Variants in RTN4RL1 observed in about 807,000 individuals in gnomAD.
The protein encoded by RTN4RL1 is reticulon-4 receptor-like 1.
A neutral mutation model predicts 25.6 loss-of-function variants in RTN4RL1; 7 were observed. The observed-to-expected ratio is 0.27, with a 90% CI of 0.16 to 0.51. The LOEUF (loss-of-function observed/expected upper bound fraction) is 0.51, where lower values mean the gene tolerates loss of function less well. Ranked by LOEUF, RTN4RL1 falls within the 20% of genes least tolerant of loss-of-function variation. RTN4RL1 has a pLI of 0.97. For synonymous variants in RTN4RL1, 297 were observed against 288.2 expected, an observed-to-expected ratio of 1.03 and a Z score of -0.31; for missense variants, 500 against 615.6, an observed-to-expected ratio of 0.81 and a Z score of 1.99.
chr17:1,979,134 G>A (rs191473530), intron 1 of RTN4RL1, among the ~76,000 whole-genome samples: 7 of 152,332 alleles, frequency 4.6e-5, no homozygotes, highest in African/African-American at 7.2e-5. Flanking sequence ...TTAGCTGAGC[G>A]TGGTGGCACG....
At chr17:1,978,139 G>A (rs1193356491) in intron 1 of RTN4RL1, among the ~76,000 whole-genome samples, 4 of 152,210 alleles carry the variant, frequency 2.6e-5, no homozygotes, top group Non-Finnish European at 5.9e-5. Flanking sequence ...TGGGGGTCAA[G>A]GTTGGGGCGG....
At chr17:1,986,376 C>G (rs755178813) in intron 1 of RTN4RL1, among the ~76,000 whole-genome samples, 4 of 152,048 alleles carry the variant, frequency 2.6e-5, no homozygotes, top group Non-Finnish European at 5.9e-5. Flanking sequence ...ATGGTGGCCC[C>G]CCAAAAGGAT....
Position 1,936,575 on chromosome 17 carries a change from ACC to A in RTN4RL1, c.1245_1246del (p.Val416AlafsTer64). The A allele has an allele frequency of 6.4e-7, 1 of 1,570,048 alleles. No individual in the cohort carries two copies. The highest frequency in any genetic ancestry group is 8.6e-7 in the Non-Finnish European group (1 of 1,158,216). On this transcript the variant is annotated frameshift_variant, in exon 2 of 2. Coordinates refer to ENST00000331238, the MANE Select transcript of RTN4RL1 (RefSeq NM_178568.4). LOFTEE classifies it high-confidence loss of function. ...GGAACTGGCCGAGGAGGCCTGCTGC[ACC>A]CCGCTGGGGGCACGGATGGGGGTCC... is the stretch of plus-strand genomic sequence containing the variant.
At chr17:2,014,178 G>A (rs114607508) in intron 1 of RTN4RL1, among the ~76,000 whole-genome samples, 1,752 of 152,296 alleles carry the variant, frequency 0.012, 30 homozygotes, top group African/African-American at 0.04. Flanking sequence ...GAAGTGGGAG[G>A]GTGTGGAAGC....
Position 1,937,407 on chromosome 17 carries a change from C to T in RTN4RL1, c.415G>A (p.Ala139Thr), listed in dbSNP as rs756440405. 56 of 1,613,566 alleles carry T rather than the reference C, an allele frequency of 3.5e-5. No individual in the cohort carries two copies. Among genetic ancestry groups the T allele is most frequent in the Non-Finnish European group, 4.1e-5 (48 of 1,179,876 alleles). The part of the protein sequence containing the change: ...ALYLYKCGLS[A>T]LPAGVFGGLH... ...CCGCCAAAGACGCCGGCCGGCAAGG[C>T]GCTGAGCCCACACTTGTAGAGGTAG... is the stretch of plus-strand genomic sequence containing the variant. Residue 139 changes from alanine to threonine, a missense_variant, in exon 2 of 2, where the codon GCC (alanine) becomes ACC (threonine). Ala to Thr is a moderately conservative substitution (Grantham distance 58). Coordinates refer to ENST00000331238, the MANE Select transcript of RTN4RL1 (RefSeq NM_178568.4).
intron 1 of RTN4RL1, among the ~76,000 whole-genome samples, chr17:2,004,225 G>A (rs1299644237): frequency 9.9e-5 from 15 of 151,458 alleles, no homozygotes; most frequent in African/African-American, 2.4e-4. Flanking sequence ...AAAATTAGCC[G>A]GGTGTGGTGG....
At position 2,001,050 on chromosome 17, in the gene RTN4RL1, T is replaced by G. The variant is rs896871445; in HGVS notation, c.13+23803A>C. 3.0e-5 allele frequency among the ~76,000 whole-genome samples: 3 copies of G among 100,276 alleles called. No individual in the cohort carries two copies. In the East Asian group the frequency reaches 7.6e-4, roughly 25 times the overall value. The allele number at this position is 100,276 out of a possible 152,430, so 65.8% of individuals were successfully genotyped here. A position where few individuals can be genotyped will look rare whatever the true frequency, so the allele number is the denominator to read the frequency against. On this transcript the variant is annotated intron_variant, in intron 1 of 1. Transcript: ENST00000331238. ...AAGATAACAATAATAATGTTTTTCA[T>G]TTACTTTTTTTTTTTTTGTAGTGAT... is the stretch of plus-strand genomic sequence containing the variant.
intron 1 of RTN4RL1, among the ~76,000 whole-genome samples, chr17:2,012,013 A>G (rs1249452236): frequency 6.6e-6 from 1 of 152,044 alleles, no homozygotes; most frequent in Non-Finnish European, 1.5e-5. Flanking sequence ...TAACGAGTCA[A>G]TTTCACAGAT....
At chr17:1,959,466 A>C (rs1915854164) in intron 1 of RTN4RL1, among the ~76,000 whole-genome samples, 1 of 151,966 alleles carries the variant, frequency 6.6e-6, no homozygotes, top group Non-Finnish European at 1.5e-5. Flanking sequence ...CGGCCTGATG[A>C]CCACATACAC....
intron 1 of RTN4RL1, among the ~76,000 whole-genome samples, chr17:2,024,133 C>G (rs962076975): frequency 6.6e-6 from 1 of 152,190 alleles, no homozygotes; most frequent in Non-Finnish European, 1.5e-5. Flanking sequence ...TGCCGCGCTC[C>G]GTACCGGGCC....
At position 2,024,907 on chromosome 17, in the gene RTN4RL1, C is replaced by G; in HGVS notation, c.-42G>C. The G allele has an allele frequency of 6.4e-7, 1 of 1,570,418 alleles. No individual in the cohort carries two copies. ...CCGCTCCGAGGTCGGCCTAGGCGCA[C>G]TCCCTCCCGGGGTCCAGATTCAAAT... On this transcript the variant is annotated 5_prime_UTR_variant, in exon 1 of 2. Transcript: ENST00000331238.
chr17:2,007,483 C>T (rs1404977665), intron 1 of RTN4RL1, among the ~76,000 whole-genome samples: 1 of 152,166 alleles, frequency 6.6e-6, no homozygotes, highest in Non-Finnish European at 1.5e-5. Context: ...ACCCAGCCAG[C>T]TCCCTGTGAA....
Position 1,936,547 on chromosome 17 carries a change from C to T in RTN4RL1, c.1275G>A (p.Leu425=). Residue 425 remains leucine (L), a synonymous_variant, in exon 2 of 2, where the codon CTG becomes CTA. Coordinates refer to ENST00000331238, the MANE Select transcript of RTN4RL1 (RefSeq NM_178568.4). Reference sequence around the variant, plus strand: ...GTGTCCAGGCCAGGAGGGAGGCCCCCAGGGAACTGGCCGAGGAGGCCTGCT... The same window carrying T: ...GTGTCCAGGCCAGGAGGGAGGCCCCTAGGGAACTGGCCGAGGAGGCCTGCT... ...GVQQASSASS[L]GASLLAWTLG... 1 of 1,556,296 alleles carries T rather than the reference C, an allele frequency of 6.4e-7. No individual in the cohort carries two copies. Among genetic ancestry groups the T allele is most frequent in the Non-Finnish European group, 8.7e-7 (1 of 1,151,756 alleles).
intron 1 of RTN4RL1, among the ~76,000 whole-genome samples, chr17:1,966,006 A>C (rs1276974002): frequency 1.3e-5 from 2 of 152,124 alleles, no homozygotes; most frequent in African/African-American, 4.8e-5. Flanking sequence ...GCTCGCTGAC[A>C]CAGCCAAGAC....
At chr17:1,956,348 G>C (rs1008127997) in intron 1 of RTN4RL1, among the ~76,000 whole-genome samples, 1 of 151,984 alleles carries the variant, frequency 6.6e-6, no homozygotes, top group Admixed American at 6.6e-5. Flanking sequence ...TCATCAGTGG[G>C]GGTGTGAAGC....
chr17:1,983,422 A>C (rs1438052200), intron 1 of RTN4RL1, among the ~76,000 whole-genome samples: 1 of 152,210 alleles, frequency 6.6e-6, no homozygotes, highest in Admixed American at 6.5e-5. Context: ...TACTAACAAA[A>C]CATCCGCAAG....
intron 1 of RTN4RL1, among the ~76,000 whole-genome samples, chr17:1,971,767 C>T (rs979519510): frequency 6.6e-6 from 1 of 151,870 alleles, no homozygotes; most frequent in Non-Finnish European, 1.5e-5. Flanking sequence ...TCGAGACCAT[C>T]CTAGCTAACA....
chr17:1,978,635 G>T (rs1305689097), intron 1 of RTN4RL1, among the ~76,000 whole-genome samples: 3 of 78,614 alleles, frequency 3.8e-5, no homozygotes, highest in African/African-American at 8.6e-5. Context: ...CCGGAAAATG[G>T]GGGGGGTGGA....
Position 1,935,011 on chromosome 17 carries a change from A to T in RTN4RL1, c.*1485T>A, listed in dbSNP as rs905450780. On this transcript the variant is annotated 3_prime_UTR_variant, in exon 2 of 2. Transcript: ENST00000331238. Reference sequence around the variant, plus strand: ...CTGAGATGGTTCATGAAATGCCCTCATTGTTCCCCTTCTGCTAAGGCCCCC... The same window carrying T: ...CTGAGATGGTTCATGAAATGCCCTCTTTGTTCCCCTTCTGCTAAGGCCCCC... 1 of 147,866 alleles carries T rather than the reference A, an allele frequency of 6.8e-6. No homozygotes were observed. The highest frequency in any genetic ancestry group is 1.5e-5 in the Non-Finnish European group (1 of 67,440). 9.2% of individuals were successfully genotyped at this position (147,866 alleles called of 1,614,324 possible).
Sources: gnomAD v4.1 joint callset for allele counts (sites outside exome capture counted in the v4.1 genomes callset) on GRCh38, gnomAD v4.1.1 for gene constraint, MANE v1.5 for transcripts, NCBI Gene and HGNC (gene_info 2026-07-23, HGNC 2026-07-21) for gene names.